The following PARD3B variants were observed in gnomAD, a reference collection of about 807,000 sequenced individuals.
PARD3B encodes the protein partitioning defective 3 homolog B.
A neutral mutation model predicts 130.2 loss-of-function variants in PARD3B; 103 were observed. The ratio of observed to expected loss-of-function variants is 0.79; its 90% CI spans 0.67 to 0.93. The LOEUF (loss-of-function observed/expected upper bound fraction) is 0.93, where lower values mean the gene tolerates loss of function less well. PARD3B is among the 40% of genes least tolerant of loss of function. The pLI, the probability that PARD3B is intolerant of heterozygous loss-of-function variation, is 0.00. For synonymous variants in PARD3B, 583 were observed against 553.2 expected, an observed-to-expected ratio of 1.05 and a Z score of -0.76; for missense variants, 1,609 against 1,499.2, an observed-to-expected ratio of 1.07 and a Z score of -1.21.
At chr2:204,794,261 T>C (rs1447525276) in intron 2 of PARD3B, among the ~76,000 whole-genome samples, 2 of 152,248 alleles carry the variant, frequency 1.3e-5, no homozygotes. Flanking sequence ...TTTCATGTAA[T>C]GAAAATACGT....
chr2:204,933,464 ATT>A (rs1014686766), intron 2 of PARD3B, among the ~76,000 whole-genome samples: 2 of 152,170 alleles, frequency 1.3e-5, no homozygotes, highest in South Asian at 2.1e-4. Flanking sequence ...TGTTTTGTTC[ATT>A]TTATAGAAAA....
chr2:205,441,577 A>C (rs1186566085), intron 20 of PARD3B, among the ~76,000 whole-genome samples: 1 of 152,202 alleles, frequency 6.6e-6, no homozygotes, highest in East Asian at 1.9e-4. Flanking sequence ...CTTGTTTTCC[A>C]GACTTCTTAG....
At chr2:205,429,737 G>T (rs888542789) in intron 19 of PARD3B, among the ~76,000 whole-genome samples, 3 of 152,122 alleles carry the variant, frequency 2.0e-5, no homozygotes, top group Non-Finnish European at 2.9e-5. Flanking sequence ...TCATAGGGCC[G>T]CCATTTAACA....
At chr2:205,532,314 TA>T (rs2051635119) in intron 21 of PARD3B, among the ~76,000 whole-genome samples, 1 of 152,228 alleles carries the variant, frequency 6.6e-6, no homozygotes, top group Non-Finnish European at 1.5e-5. Context: ...TTTAGTCACC[TA>T]GTCCCATCAT....
intron 2 of PARD3B, among the ~76,000 whole-genome samples, chr2:204,948,061 C>T (rs1037068944): frequency 6.6e-6 from 1 of 152,120 alleles, no homozygotes; most frequent in Non-Finnish European, 1.5e-5. Flanking sequence ...AGGAATACTT[C>T]CTGTTGTAAG....
In PARD3B at chr2:205,309,933, A is replaced by G. The variant is rs896355641; in HGVS notation, c.2630+8232A>G. Reference sequence around the variant, plus strand: ...CTATCTATCTATCTATCTATCATCTATTTTTCATTGGAAAGTAAAAACTGT... The same window carrying G: ...CTATCTATCTATCTATCTATCATCTGTTTTTCATTGGAAAGTAAAAACTGT... On this transcript the variant is annotated intron_variant, in intron 18 of 22. Transcript: ENST00000406610. The surrounding 1 kb of genome is among the most constrained non-coding windows in gnomAD (Gnocchi z 4.7). Among the ~76,000 whole-genome samples, 3 of 150,920 alleles carry G rather than the reference A, an allele frequency of 2.0e-5. No individual in the cohort carries two copies. The highest frequency in any genetic ancestry group is 7.3e-5 in the African/African-American group (3 of 41,030).
intron 1 of PARD3B, among the ~76,000 whole-genome samples, chr2:204,666,758 T>A (rs937403122): frequency 6.6e-6 from 1 of 152,042 alleles, no homozygotes; most frequent in Non-Finnish European, 1.5e-5. Flanking sequence ...ATGCACTCAG[T>A]TTTGGGCATG....
Position 205,116,081 on chromosome 2 carries a change from G to A in PARD3B, c.680+2504G>A, listed in dbSNP as rs1211613380. 2.6e-5 allele frequency among the ~76,000 whole-genome samples: 4 copies of A among 151,906 alleles called. No homozygotes were observed. Among genetic ancestry groups the A allele is most frequent in the Non-Finnish European group, 5.9e-5 (4 of 67,998 alleles). On this transcript the variant is annotated intron_variant, in intron 6 of 22. Transcript: ENST00000406610. The surrounding 1 kb of genome is among the most constrained non-coding windows in gnomAD (Gnocchi z 4.5). ...AATTCATTAGATACCATCGCAGAGGGGTGCTGAATGCTGCTTGTATTGAGG... is the reference window on the plus strand; with the variant it reads ...AATTCATTAGATACCATCGCAGAGGAGTGCTGAATGCTGCTTGTATTGAGG...
intron 2 of PARD3B, among the ~76,000 whole-genome samples, chr2:204,886,657 C>T (rs1020826020): frequency 8.5e-5 from 13 of 152,078 alleles, no homozygotes; most frequent in East Asian, 1.9e-4. Flanking sequence ...TATTTGAGAT[C>T]GATGTCTGTG....
chr2:205,429,711 G>A (rs972466069), intron 19 of PARD3B, among the ~76,000 whole-genome samples: 3 of 152,124 alleles, frequency 2.0e-5, no homozygotes, highest in Non-Finnish European at 4.4e-5. Flanking sequence ...CTTCCTTTAA[G>A]GTATTTATAT....
At chr2:205,238,041 T>C (rs1029531836) in intron 15 of PARD3B, among the ~76,000 whole-genome samples, 15 of 152,178 alleles carry the variant, frequency 9.9e-5, no homozygotes, top group African/African-American at 2.7e-4. Flanking sequence ...TTCATGAGTC[T>C]AGAATCCTTT....
chr2:204,916,585 GAA>G (rs1478155353), intron 2 of PARD3B, among the ~76,000 whole-genome samples: 4 of 152,158 alleles, frequency 2.6e-5, no homozygotes, highest in Admixed American at 1.3e-4. Flanking sequence ...AAATAATCCA[GAA>G]GAGTGTATTT....
Position 205,187,128 on chromosome 2 carries a change from G to A in PARD3B, c.2024+1265G>A, listed in dbSNP as rs1053791306. On this transcript the variant is annotated intron_variant, in intron 14 of 22. Coordinates refer to ENST00000406610, the MANE Select transcript of PARD3B (RefSeq NM_001302769.2). This position sits in a 1 kb window ranked among gnomAD's most constrained non-coding sequence, Gnocchi z 4.9. ...CTGAGCATCTGAGGCAGAGGAGAATGCCTCCAGATAAAGGAATCAGGGAAA... is the reference window on the plus strand; with the variant it reads ...CTGAGCATCTGAGGCAGAGGAGAATACCTCCAGATAAAGGAATCAGGGAAA... Among the ~76,000 whole-genome samples the A allele has an allele frequency of 6.6e-6, 1 of 152,170 alleles. No individual in the cohort carries two copies. The highest frequency in any genetic ancestry group is 1.5e-5 in the Non-Finnish European group (1 of 68,036).
At chr2:204,587,759 A>G (rs1217071912) in intron 1 of PARD3B, among the ~76,000 whole-genome samples, 4 of 152,162 alleles carry the variant, frequency 2.6e-5, no homozygotes, top group Admixed American at 6.6e-5. Flanking sequence ...ATCCTGAACT[A>G]TAGTTCCCAT....
intron 4 of PARD3B, chr2:205,103,709 G>A (rs1041543896): frequency 5.7e-5 from 56 of 985,220 alleles, no homozygotes; most frequent in Non-Finnish European, 6.4e-5. Flanking sequence ...AATGTCTTCT[G>A]TAAGGAAGCA....
intron 18 of PARD3B, among the ~76,000 whole-genome samples, chr2:205,383,902 C>T (rs1343247334): frequency 3.3e-5 from 5 of 152,052 alleles, no homozygotes; most frequent in Non-Finnish European, 7.4e-5. Flanking sequence ...GTGTTTACTT[C>T]CTTCTTCTAA....
At chr2:205,544,135 C>T (rs1286274922) in intron 21 of PARD3B, among the ~76,000 whole-genome samples, 4 of 152,060 alleles carry the variant, frequency 2.6e-5, no homozygotes, top group Non-Finnish European at 4.4e-5. Flanking sequence ...TTAGTAAGTA[C>T]TAGATATTAG....
chr2:205,086,561 G>A (rs1701752753), intron 4 of PARD3B, among the ~76,000 whole-genome samples: 1 of 152,164 alleles, frequency 6.6e-6, no homozygotes, highest in Non-Finnish European at 1.5e-5. Flanking sequence ...TACTGTGACA[G>A]TATTTTGGTT....
At chr2:205,555,345 C>T (rs1327693987) in intron 22 of PARD3B, among the ~76,000 whole-genome samples, 4 of 152,200 alleles carry the variant, frequency 2.6e-5, no homozygotes, top group African/African-American at 9.7e-5. Context: ...GGCACAGTCC[C>T]AGTCCATCCT....
Sources: gnomAD v4.1 joint callset for allele counts (sites outside exome capture counted in the v4.1 genomes callset) on GRCh38, gnomAD v4.1.1 for gene constraint, Gnocchi (gnomAD v3.1) non-coding constraint, MANE v1.5 for transcripts, NCBI Gene and HGNC (gene_info 2026-07-23, HGNC 2026-07-21) for gene names.